DNAH7: variants seen among roughly 807,000 people sequenced by gnomAD.
DNAH7 encodes dynein axonemal heavy chain 7.
Under a neutral mutation model 444.6 loss-of-function variants are expected in DNAH7, and 397 were observed. The observed-to-expected ratio is 0.89, with a 90% CI of 0.82 to 0.97. The LOEUF is 0.97. DNAH7 is among the 50% of genes least tolerant of loss of function. The pLI is 0.00. For synonymous variants in DNAH7, 1,636 were observed against 1,624.4 expected (o/e 1.01, Z -0.17); for missense variants, 4,902 against 4,800.8 (o/e 1.02, Z -0.62).
rs200644736 is a variant in DNAH7, at chr2:195,884,685, G to A, written c.5663C>T (p.Thr1888Met). The change falls in exon 35 of 65, where the codon ACG becomes ATG. Residue 1888 changes from threonine to methionine, a missense_variant. Coordinates refer to ENST00000312428, the MANE Select transcript of DNAH7 (RefSeq NM_018897.3). ...CTCAGTACCACTCTGTAATTTAAAC[G>A]TATTTCGAGTTCGATCTGAAATTGG... ...ESPISDRTRN[T>M]FKLQSGTEQT... The A allele has an allele frequency of 8.7e-6, 14 of 1,613,942 alleles. No individual in the cohort carries two copies. The highest frequency in any genetic ancestry group is 6.7e-5 in the Admixed American group (4 of 59,988).
Position 195,738,068 on chromosome 2 carries a change from T to C in DNAH7, c.11928A>G (p.Pro3976=), listed in dbSNP as rs750898539. The part of the protein sequence containing the change: ...DIPKRPSYVA[P]LYKTSERRGV... ...CTCTCCGCTCACTTGTCTTATACAA[T>C]GGAGCAACATAACTTGGCCGTTTTG... The change falls in exon 65 of 65, where the codon CCA becomes CCG. Residue 3976 remains proline (P), a synonymous_variant. Transcript: ENST00000312428. The C allele has an allele frequency of 2.5e-6, 4 of 1,614,014 alleles. No homozygotes were observed. The South Asian group carries it at 3.3e-5, about 13-fold the overall frequency.
At position 195,936,045 on chromosome 2, in the gene DNAH7, G is replaced by C. The variant is rs1018414409; in HGVS notation, c.3272+554C>G. On this transcript the variant is annotated intron_variant, in intron 20 of 64. Coordinates refer to ENST00000312428, the MANE Select transcript of DNAH7 (RefSeq NM_018897.3). ...CTTTTATTCTGAATGTGCTGTGAAAGAGCTGTGTTCTGAAAAATCTGTAAG... is the reference window on the plus strand; with the variant it reads ...CTTTTATTCTGAATGTGCTGTGAAACAGCTGTGTTCTGAAAAATCTGTAAG... Among the ~76,000 whole-genome samples the C allele has an allele frequency of 2.6e-5, 4 of 152,180 alleles. No homozygotes were observed. In the East Asian group the frequency reaches 7.7e-4, roughly 29 times the overall value.
At position 195,863,675 on chromosome 2, in the gene DNAH7, C is replaced by T. The variant is rs186217751; in HGVS notation, c.7506+474G>A. Among the ~76,000 whole-genome samples, 12 of 152,270 alleles carry T rather than the reference C, an allele frequency of 7.9e-5. No individual in the cohort carries two copies. The East Asian group carries it at 1.2e-3, about 15-fold the overall frequency. On this transcript the variant is annotated intron_variant, in intron 41 of 64. Transcript: ENST00000312428. ...CCTTTCCAGCCGTAGCTGAGTTCTA[C>T]GTTTCTGGTTCCTATTCCTGTTGGG...
chr2:195,926,741 C>T (rs1688360525), intron 21 of DNAH7, among the ~76,000 whole-genome samples, 175 bp from the exon 22 acceptor site: 1 of 152,090 alleles, frequency 6.6e-6, no homozygotes, highest in Non-Finnish European at 1.5e-5. Flanking sequence ...AGTTTAATCA[C>T]ATACCTATAA....
At position 195,995,226 on chromosome 2, in the gene DNAH7, C is replaced by A. The variant is rs1392934206; in HGVS notation, c.1353+5478G>T. 4 of 380,158 alleles carry A rather than the reference C, an allele frequency of 1.1e-5. No individual in the cohort carries two copies. The Admixed American group carries it at 1.2e-4, about 11-fold the overall frequency. The allele number at this position is 380,158 out of a possible 1,614,324, so 23.5% of individuals were successfully genotyped here. A position where few individuals can be genotyped will look rare whatever the true frequency, so the allele number is the denominator to read the frequency against. On this transcript the variant is annotated intron_variant, in intron 12 of 64. Coordinates refer to ENST00000312428, the MANE Select transcript of DNAH7 (RefSeq NM_018897.3). ...TACAGGCATGAGCCAAAATGCCCGG[C>A]TATTTTTAGACTTCTTAATGAGGGA... is the stretch of plus-strand genomic sequence containing the variant.
At chr2:195,810,776 G>A (rs1290820512) in intron 51 of DNAH7, among the ~76,000 whole-genome samples, 2 of 152,026 alleles carry the variant, frequency 1.3e-5, no homozygotes, top group Non-Finnish European at 2.9e-5. Flanking sequence ...AGAAAGCCTT[G>A]GCAATAGTTG....
At chr2:195,743,450 G>A (rs567625582) in intron 63 of DNAH7, among the ~76,000 whole-genome samples, 59 of 146,086 alleles carry the variant, frequency 4.0e-4, no homozygotes, top group Middle Eastern at 3.5e-3. Context: ...TAGCCTTTAG[G>A]TGCCCCTTTT....
chr2:195,973,417 C>T (rs945533396), intron 15 of DNAH7, among the ~76,000 whole-genome samples: 3 of 151,940 alleles, frequency 2.0e-5, no homozygotes, highest in African/African-American at 7.3e-5. Context: ...TCCACTTTTT[C>T]CTCTTTCCCT....
In DNAH7 at chr2:195,799,550, T is replaced by C. The variant is rs1343123251; in HGVS notation, c.10177-78A>G. ...CATTAAAAATTTAGATTCAAAGGAGTTTTAAAACAAAATACCCTAGCTCTA... is the reference window on the plus strand; with the variant it reads ...CATTAAAAATTTAGATTCAAAGGAGCTTTAAAACAAAATACCCTAGCTCTA... On this transcript the variant is annotated intron_variant, in intron 54 of 64. Coordinates refer to ENST00000312428, the MANE Select transcript of DNAH7 (RefSeq NM_018897.3). 15 of 1,322,138 alleles carry C rather than the reference T, an allele frequency of 1.1e-5. No homozygotes were observed. In the East Asian group the frequency reaches 3.6e-4, roughly 32 times the overall value. 81.9% of individuals were successfully genotyped at this position (1,322,138 alleles called of 1,614,324 possible). A position where few individuals can be genotyped will look rare whatever the true frequency, so the allele number is the denominator to read the frequency against.
At chr2:195,983,660 C>A (rs1240291239) in intron 15 of DNAH7, among the ~76,000 whole-genome samples, 8 of 152,134 alleles carry the variant, frequency 5.3e-5, no homozygotes, top group African/African-American at 1.9e-4. Flanking sequence ...AGGGGACAAG[C>A]ATTCAAACTA....
chr2:195,816,198 G>A (rs1016686357), intron 51 of DNAH7, among the ~76,000 whole-genome samples: 8 of 151,896 alleles, frequency 5.3e-5, no homozygotes, highest in African/African-American at 9.7e-5. Flanking sequence ...ACAAATAATC[G>A]CAACAAGGCT....
intron 35 of DNAH7, among the ~76,000 whole-genome samples, chr2:195,883,451 T>TCCCC (rs778869268): frequency 2.7e-4 from 33 of 121,116 alleles, no homozygotes; most frequent in African/African-American, 9.9e-4. Flanking sequence ...CAGTCCCCGC[T>TCCCC]CCCCCCCCCC....
At chr2:195,780,477 G>A (rs1158206037) in intron 58 of DNAH7, among the ~76,000 whole-genome samples, 4 of 152,148 alleles carry the variant, frequency 2.6e-5, no homozygotes, top group South Asian at 2.1e-4. Flanking sequence ...GGCCAGGCGC[G>A]GTGGCTCACA....
intron 1 of DNAH7, among the ~76,000 whole-genome samples, chr2:196,066,385 T>C (rs1317013981): frequency 1.3e-5 from 2 of 152,198 alleles, no homozygotes; most frequent in Non-Finnish European, 2.9e-5. Flanking sequence ...TTCAAAAACA[T>C]GATGAAGGAA....
In DNAH7 at chr2:196,019,307, G is replaced by T; in HGVS notation, c.744-12C>A. ...GCAGAATTTCCATTCTGAAAACAAA[G>T]AAAATATTTAGTTACAGTCTCAAAA... On this transcript the variant is annotated splice_polypyrimidine_tract_variant and intron_variant, in intron 8 of 64. Coordinates refer to ENST00000312428, the MANE Select transcript of DNAH7 (RefSeq NM_018897.3). 6.9e-7 allele frequency: 1 copy of T among 1,452,784 alleles called. No homozygotes were observed. The highest frequency in any genetic ancestry group is 9.2e-7 in the Non-Finnish European group (1 of 1,085,532). 90.0% of individuals were successfully genotyped at this position (1,452,784 alleles called of 1,614,324 possible). A position where few individuals can be genotyped will look rare whatever the true frequency, so the allele number is the denominator to read the frequency against.
At chr2:195,896,819 T>G (rs1046043128) in intron 29 of DNAH7, among the ~76,000 whole-genome samples, 3 of 152,210 alleles carry the variant, frequency 2.0e-5, no homozygotes, top group Non-Finnish European at 4.4e-5. Context: ...CTCTAAATAC[T>G]AAGTAAAGCT....
chr2:195,875,625 T>A, intron 38 of DNAH7, 50 bp downstream of exon 38: 2 of 1,506,728 alleles, frequency 1.3e-6, no homozygotes, highest in South Asian at 2.7e-5. Flanking sequence ...TCTTTAGCTA[T>A]TGCTAGGGAG....
At chr2:196,068,278 G>A in intron 1 of DNAH7, 1 of 222,328 alleles carries the variant, frequency 4.5e-6, no homozygotes, top group South Asian at 1.4e-4. Context: ...CATAAGAGGT[G>A]GGAGAACTAA....
chr2:196,027,973 T>C lies in DNAH7; in HGVS notation c.473A>G (p.Glu158Gly). Residue 158 changes from glutamate to glycine, a missense_variant, in exon 6 of 65, where the codon GAG becomes GGG. By Grantham distance (98) the Glu-to-Gly change is moderately conservative (BLOSUM62 -2). Transcript: ENST00000312428. ...ATGGCCAGTTACCAAGATGTCTTTCTCTATAGCAGAAGCGGTCGGTTTTGG... is the reference window on the plus strand; with the variant it reads ...ATGGCCAGTTACCAAGATGTCTTTCCCTATAGCAGAAGCGGTCGGTTTTGG... ...TIPKPTASAI[E>G]KDILRYYYYI... The C allele has an allele frequency of 6.2e-7, 1 of 1,612,270 alleles. No individual in the cohort carries two copies. The highest frequency in any genetic ancestry group is 8.5e-7 in the Non-Finnish European group (1 of 1,178,962).
Sources: allele counts gnomAD v4.1 joint callset (sites outside exome capture counted in the v4.1 genomes callset), GRCh38; gene constraint gnomAD v4.1.1; transcripts MANE v1.5; gene names NCBI Gene and HGNC (gene_info 2026-07-23, HGNC 2026-07-21).